MGA: variants seen among roughly 807,000 people sequenced by gnomAD.
The protein encoded by MGA is MAX gene-associated protein.
A neutral mutation model predicts 261.1 loss-of-function variants in MGA; 40 were observed. The observed-to-expected ratio is 0.15, with a 90% CI of 0.12 to 0.20. The LOEUF (loss-of-function observed/expected upper bound fraction) is 0.20. MGA is among the 10% of genes least tolerant of loss of function. MGA has a pLI of 1.00. For synonymous variants in MGA, 1,302 were observed against 1,290.6 expected (o/e 1.01, Z -0.19); for missense variants, 3,397 against 3,630.5 (o/e 0.94, Z 1.65).
chr15:41,715,793 G>A (rs533090659), intron 9 of MGA, among the ~76,000 whole-genome samples: 1 of 152,084 alleles, frequency 6.6e-6, no homozygotes, highest in East Asian at 1.9e-4. Flanking sequence ...TGATCTTTGT[G>A]TAAATAAGAT....
At chr15:41,711,743 T>C (rs2060396843) in intron 8 of MGA, among the ~76,000 whole-genome samples, 1 of 152,216 alleles carries the variant, frequency 6.6e-6, no homozygotes, top group Non-Finnish European at 1.5e-5. Flanking sequence ...TTGCCCAGGC[T>C]GGAGTGCAGT....
chr15:41,760,013 A>G (rs564322289), intron 19 of MGA: 39 of 243,818 alleles, frequency 1.6e-4, no homozygotes, highest in African/African-American at 8.1e-4. Context: ...TAATACAATA[A>G]ATTACTTAAG....
intron 1 of MGA, among the ~76,000 whole-genome samples, chr15:41,644,616 A>C (rs1196935661): frequency 6.6e-6 from 1 of 152,034 alleles, no homozygotes. Context: ...CCGAGACTGT[A>C]CCACTGCCCT....
intron 14 of MGA, among the ~76,000 whole-genome samples, chr15:41,741,037 A>G (rs2062060420): frequency 6.6e-6 from 1 of 152,092 alleles, no homozygotes; most frequent in African/African-American, 2.4e-5. Flanking sequence ...AAGATAGAAG[A>G]TATTTATTGT....
At chr15:41,672,866 GCACACACACA>G (rs5812197) in intron 2 of MGA, among the ~76,000 whole-genome samples, 20 of 150,416 alleles carry the variant, frequency 1.3e-4, no homozygotes, top group East Asian at 1.2e-3. Flanking sequence ...ACATGCGTGT[GCACACACACA>G]CACACACACA....
intron 9 of MGA, among the ~76,000 whole-genome samples, chr15:41,717,345 C>T (rs2060696618): frequency 6.6e-6 from 1 of 151,922 alleles, no homozygotes; most frequent in East Asian, 1.9e-4. Context: ...ACTTAATATA[C>T]CTATAAATTA....
At chr15:41,726,072 T>G (rs1457714073) in intron 9 of MGA, among the ~76,000 whole-genome samples, 1 of 152,238 alleles carries the variant, frequency 6.6e-6, no homozygotes, top group Non-Finnish European at 1.5e-5. Flanking sequence ...TGATTTTACC[T>G]CAGTTGGGTT....
intron 2 of MGA, among the ~76,000 whole-genome samples, chr15:41,681,349 T>C (rs1440753047): frequency 6.6e-6 from 1 of 151,992 alleles, no homozygotes; most frequent in Admixed American, 6.6e-5. Context: ...TCTAGTACAA[T>C]ATATGGGCCG....
intron 2 of MGA, among the ~76,000 whole-genome samples, chr15:41,690,993 T>G (rs1011008089): frequency 1.4e-5 from 2 of 138,608 alleles, no homozygotes; most frequent in African/African-American, 5.2e-5. Context: ...AAGATTGCTT[T>G]GTTTTTTTTT....
chr15:41,687,754 G>A (rs2059046073), intron 2 of MGA, among the ~76,000 whole-genome samples: 1 of 152,132 alleles, frequency 6.6e-6, no homozygotes, highest in African/African-American at 2.4e-5. Context: ...GTTTCTGATT[G>A]ATACTTCATG....
chr15:41,719,444 A>G (rs1167823190), intron 9 of MGA, among the ~76,000 whole-genome samples: 1 of 152,150 alleles, frequency 6.6e-6, no homozygotes, highest in African/African-American at 2.4e-5. Flanking sequence ...AACAACTTTG[A>G]TAAAGAATGT....
rs1235835436 is a variant in MGA at position 41,761,171 on chromosome 15, G to A, written c.7399-568G>A. Among the ~76,000 whole-genome samples, 3 of 152,214 alleles carry A rather than the reference G, an allele frequency of 2.0e-5. No individual in the cohort carries two copies. In the East Asian group the frequency reaches 5.8e-4, roughly 29 times the overall value. On this transcript the variant is annotated intron_variant, in intron 20 of 23. Coordinates refer to ENST00000219905, the MANE Select transcript of MGA (RefSeq NM_001164273.2). The stretch of plus-strand genomic sequence containing the variant: ...ACATTCTCGTTACATTGGTGTTCTT[G>A]ATAGCACTTAGTACAGGTTATCACA...
Position 41,750,116 on chromosome 15 carries a change from A to G in MGA, c.6509A>G (p.Asp2170Gly), listed in dbSNP as rs994961269. The change falls in exon 17 of 24, where the codon GAC (aspartate) becomes GGC (glycine). Residue 2170 changes from aspartate to glycine, a missense_variant. By Grantham distance (94) the Asp-to-Gly change is moderately conservative. This residue lies in a region of MGA where 1,410 missense variants were observed against 1,386.4 expected (regional missense o/e 1.02). Coordinates refer to ENST00000219905, the MANE Select transcript of MGA (RefSeq NM_001164273.2). ...GAATGTGGAGACTCTCTGGAGAAAG[A>G]CAGGGAAAGATGGAGAAAACATCTG... The G allele has an allele frequency of 1.2e-6, 2 of 1,613,554 alleles. No homozygotes were observed. Among genetic ancestry groups the G allele is most frequent in the Non-Finnish European group, 1.7e-6 (2 of 1,179,780 alleles).
At chr15:41,731,451 G>A (rs1375893278) in intron 11 of MGA, among the ~76,000 whole-genome samples, 1 of 151,702 alleles carries the variant, frequency 6.6e-6, no homozygotes, top group African/African-American at 2.4e-5. Context: ...AATAAACTCA[G>A]TGAGGTAGAA....
rs546925914 is a variant in MGA at position 41,671,625 on chromosome 15, G to A, written c.1064+1667G>A. Reference sequence around the variant, plus strand: ...ATTACAGATGTGAGCCACCGCGCCCGGCCTGAACTTGCCTTATTTTGAGTT... The same window carrying A: ...ATTACAGATGTGAGCCACCGCGCCCAGCCTGAACTTGCCTTATTTTGAGTT... On this transcript the variant is annotated intron_variant, in intron 2 of 23. Coordinates refer to ENST00000219905, the MANE Select transcript of MGA (RefSeq NM_001164273.2). Among the ~76,000 whole-genome samples the A allele has an allele frequency of 9.2e-5, 14 of 152,170 alleles. No homozygotes were observed. The South Asian group carries it at 1.5e-3, about 16-fold the overall frequency.
chr15:41,765,846 A>C (rs1440230279), intron 23 of MGA, among the ~76,000 whole-genome samples, 158 bp from the exon 24 acceptor site: 1 of 152,228 alleles, frequency 6.6e-6, no homozygotes, highest in Non-Finnish European at 1.5e-5. Flanking sequence ...TAGGTCAATA[A>C]TTTGAAGAAC....
chr15:41,659,253 G>T (rs995216531), upstream of MGA, among the ~76,000 whole-genome samples: 1 of 152,194 alleles, frequency 6.6e-6, no homozygotes, highest in African/African-American at 2.4e-5. Context: ...AGAGCAAAGT[G>T]TAGAGAAATA....
chr15:41,661,212 T>C (rs1378065666), intron 1 of MGA, among the ~76,000 whole-genome samples: 2 of 152,194 alleles, frequency 1.3e-5, no homozygotes, highest in East Asian at 3.9e-4. Flanking sequence ...GAGCAGGTGT[T>C]ATTTTCTTTA....
intron 11 of MGA, among the ~76,000 whole-genome samples, chr15:41,729,629 C>T (rs1441765732): frequency 6.6e-6 from 1 of 151,740 alleles, no homozygotes; most frequent in Non-Finnish European, 1.5e-5. Context: ...TGAGGCTAGC[C>T]TGGCCAACAT....
Sources: allele counts gnomAD v4.1 joint callset (sites outside exome capture counted in the v4.1 genomes callset), GRCh38; gene constraint gnomAD v4.1.1; regional missense constraint gnomAD v4.1.1; transcripts MANE v1.5; gene names NCBI Gene and HGNC (gene_info 2026-07-23, HGNC 2026-07-21).